The following SNRPN variants were observed in gnomAD, a reference collection of about 807,000 sequenced individuals.
The protein encoded by SNRPN is small nuclear ribonucleoprotein polypeptide N, also known as small nuclear ribonucleoprotein-associated protein N.
In SNRPN, 7 loss-of-function variants were observed where a neutral mutation model predicts 25.2. The ratio of observed to expected loss-of-function variants is 0.28; its 90% CI spans 0.16 to 0.52. The LOEUF (loss-of-function observed/expected upper bound fraction) is 0.52, where lower values mean the gene tolerates loss of function less well. Ranked by LOEUF, SNRPN falls within the 20% of genes least tolerant of loss-of-function variation. The pLI is 0.96. For synonymous variants in SNRPN, 124 were observed against 110.6 expected, an observed-to-expected ratio of 1.12 and a Z score of -0.76; for missense variants, 196 against 322.5, an observed-to-expected ratio of 0.61 and a Z score of 3.00.
intron 2 of SNRPN, among the ~76,000 whole-genome samples, chr15:24,902,788 T>C (rs1351271148): frequency 6.6e-6 from 1 of 152,182 alleles, no homozygotes; most frequent in East Asian, 1.9e-4. Context: ...TTTGCGGTGT[T>C]ACAAGCGTTA....
At chr15:24,936,185 C>T (rs1188966646) in intron 3 of SNRPN, among the ~76,000 whole-genome samples, 1 of 152,036 alleles carries the variant, frequency 6.6e-6, no homozygotes, top group Admixed American at 6.6e-5. Context: ...CTGCAACTTT[C>T]CTGTGAATTC....
intron 2 of SNRPN, among the ~76,000 whole-genome samples, chr15:24,839,847 C>T (rs571780384): frequency 1.3e-5 from 2 of 151,494 alleles, no homozygotes; most frequent in Admixed American, 1.3e-4. Flanking sequence ...GTTCACGGAG[C>T]CTGCTGGTCA....
chr15:24,940,638 C>T lies in SNRPN; in HGVS notation c.-391+20514C>T, dbSNP rs568139253. ...ATTTCAAATGTGACTTGTAGGACTA[C>T]GTGCAGTGAGGAAGATTGTTAATCA... On this transcript the variant is annotated intron_variant, in intron 3 of 11. Transcript: ENST00000400097. Among the ~76,000 whole-genome samples, 7 of 152,212 alleles carry T rather than the reference C, an allele frequency of 4.6e-5. No individual in the cohort carries two copies. The East Asian group carries it at 7.7e-4, about 17-fold the overall frequency.
chr15:24,952,689 C>T (rs114272206), upstream of SNRPN, among the ~76,000 whole-genome samples: 2,693 of 151,982 alleles, frequency 0.018, 74 homozygotes, highest in African/African-American at 0.061. Flanking sequence ...GAAGATAGGT[C>T]CAAGAAACTA....
intron 1 of SNRPN, among the ~76,000 whole-genome samples, chr15:24,860,612 C>A (rs547604146): frequency 6.6e-6 from 1 of 152,152 alleles, no homozygotes; most frequent in Admixed American, 6.5e-5. Context: ...CCTAGCCTAT[C>A]ATCCTTAAGT....
rs1048123869 is a variant in SNRPN, at chr15:24,929,155, A to G, written c.-391+9031A>G. Among the ~76,000 whole-genome samples the G allele has an allele frequency of 6.6e-6, 1 of 151,376 alleles. No homozygotes were observed. The highest frequency in any genetic ancestry group is 2.5e-5 in the African/African-American group (1 of 40,738). On this transcript the variant is annotated intron_variant, in intron 3 of 11. Transcript: ENST00000400097. The surrounding 1 kb of genome is among the most constrained non-coding windows in gnomAD (Gnocchi z 5.3). ...ATGTATGTGACTATATGTATTGTGT[A>G]TATATGTATGTAGCTATATGTGTGT...
chr15:24,890,435 G>C (rs903253311), intron 2 of SNRPN, among the ~76,000 whole-genome samples: 8 of 152,108 alleles, frequency 5.3e-5, no homozygotes. Flanking sequence ...CCAGTACTTT[G>C]GGAGGCTGAG....
intron 1 of SNRPN, among the ~76,000 whole-genome samples, chr15:24,874,309 C>CA (rs199834006): frequency 0.25 from 15,181 of 60,130 alleles, 3,064 homozygotes; most frequent in African/African-American, 0.45. Context: ...GACTCTGTCT[C>CA]AAAAAAAAAA....
At chr15:24,968,179 C>T in intron 3 of SNRPN, 97 bp downstream of exon 3, 1 of 767,528 alleles carries the variant, frequency 1.3e-6, no homozygotes, top group Non-Finnish European at 2.2e-6. Context: ...AATTTTTTTC[C>T]TTAGAGCTTC....
chr15:24,960,716 C>G (rs1041856777), intron 1 of SNRPN, among the ~76,000 whole-genome samples: 2 of 152,126 alleles, frequency 1.3e-5, no homozygotes, highest in African/African-American at 4.8e-5. Context: ...CCCATCGTAG[C>G]AATAGAATTT....
chr15:24,870,333 A>G (rs915392408), intron 1 of SNRPN, among the ~76,000 whole-genome samples: 1 of 152,148 alleles, frequency 6.6e-6, no homozygotes, highest in Non-Finnish European at 1.5e-5. Flanking sequence ...AAAACAATGA[A>G]ACGTACCTGT....
At chr15:24,902,783 G>A (rs1328548089) in intron 2 of SNRPN, among the ~76,000 whole-genome samples, 1 of 152,156 alleles carries the variant, frequency 6.6e-6, no homozygotes, top group African/African-American at 2.4e-5. Context: ...AGACCTTTGC[G>A]GTGTTACAAG....
intron 3 of SNRPN, among the ~76,000 whole-genome samples, chr15:24,970,975 A>T (rs538092792): frequency 6.6e-6 from 1 of 152,222 alleles, no homozygotes; most frequent in South Asian, 2.1e-4. Flanking sequence ...ATAATTTTAA[A>T]TTTTAACAGA....
At chr15:24,975,787 T>C (rs910509612) in intron 5 of SNRPN, among the ~76,000 whole-genome samples, 1 of 152,206 alleles carries the variant, frequency 6.6e-6, no homozygotes, top group South Asian at 2.1e-4. Context: ...AGAAAAATGC[T>C]ATATTAATTA....
Position 24,976,894 on chromosome 15 carries a change from AC to A in SNRPN, c.287del (p.Pro96HisfsTer46). On this transcript the variant is annotated frameshift_variant, in exon 7 of 10. Transcript: ENST00000390687. LOFTEE classifies it high-confidence loss of function. ...TGTTTCAGACTGGCATTGCTCGGGT[AC>A]CACTTGCTGGAGCTGCTGGAGGCCC... ...PPKDTGIARV[P>X]LAGAAGGPGV... 6.2e-7 allele frequency: 1 copy of A among 1,608,362 alleles called. No homozygotes were observed. Among genetic ancestry groups the A allele is most frequent in the Non-Finnish European group, 8.5e-7 (1 of 1,178,490 alleles).
chr15:24,848,512 T>A (rs951146080), intron 2 of SNRPN: 2 of 152,212 alleles, frequency 1.3e-5, no homozygotes, highest in African/African-American at 4.8e-5. Context: ...ACCTAAGGTT[T>A]CTCTTTCCCA....
intron 2 of SNRPN, among the ~76,000 whole-genome samples, chr15:24,911,619 G>T (rs778030793): frequency 7.2e-5 from 11 of 152,224 alleles, no homozygotes; most frequent in African/African-American, 2.7e-4. Flanking sequence ...GGGGCAGCAT[G>T]CATGTGGTGC....
intron 2 of SNRPN, among the ~76,000 whole-genome samples, chr15:24,892,404 AG>A (rs967898704): frequency 1.3e-5 from 2 of 152,110 alleles, no homozygotes; most frequent in African/African-American, 2.4e-5. Context: ...GAACAGAAAG[AG>A]GGGGAAGGAA....
upstream of SNRPN, among the ~76,000 whole-genome samples, chr15:24,855,886 T>A (rs939376063): frequency 6.6e-6 from 1 of 151,884 alleles, no homozygotes; most frequent in African/African-American, 2.4e-5. Flanking sequence ...AATATTTAGG[T>A]CTAAGATCCA....
Sources: gnomAD v4.1 joint callset for allele counts (sites outside exome capture counted in the v4.1 genomes callset) on GRCh38, gnomAD v4.1.1 for gene constraint, Gnocchi (gnomAD v3.1) non-coding constraint, MANE v1.5 for transcripts, NCBI Gene and HGNC (gene_info 2026-07-23, HGNC 2026-07-21) for gene names.